Variants in OPA1 observed in about 807,000 individuals in gnomAD.
The protein encoded by OPA1 is dynamin-like GTPase OPA1, mitochondrial.
OPA1 carries 59 observed loss-of-function variants against 152.9 expected under a neutral mutation model. The ratio of observed to expected loss-of-function variants is 0.39; its 90% CI spans 0.31 to 0.48. The LOEUF (loss-of-function observed/expected upper bound fraction) is 0.48, where lower values mean the gene tolerates loss of function less well. OPA1 is among the 20% of genes least tolerant of loss of function. OPA1 has a pLI of 0.96. For missense variants in OPA1, 1,008 were observed against 1,216.8 expected, an observed-to-expected ratio of 0.83 and a Z score of 2.55; for synonymous variants, 400 against 389.9, an observed-to-expected ratio of 1.03 and a Z score of -0.31.
chr3:193,663,622 A>C, intron 26 of OPA1, among the ~76,000 whole-genome samples: 1 of 152,148 alleles, frequency 6.6e-6, no homozygotes, highest in East Asian at 1.9e-4. Flanking sequence ...ATATTAGCTT[A>C]AGTGAACACA....
At chr3:193,659,345 T>C (rs1348959843) in intron 24 of OPA1, 137 bp from the exon 25 acceptor site, 5 of 734,716 alleles carry the variant, frequency 6.8e-6, no homozygotes, top group Non-Finnish European at 1.2e-5. Flanking sequence ...ATCAGTCATG[T>C]GGGTTTTTTC....
chr3:193,670,470 G>T (rs1176105229), intron 29 of OPA1, among the ~76,000 whole-genome samples: 4 of 151,082 alleles, frequency 2.6e-5, no homozygotes, highest in African/African-American at 9.7e-5. Context: ...ACTGCAAGGT[G>T]GTTCTCCCAC....
intron 1 of OPA1, among the ~76,000 whole-genome samples, chr3:193,598,629 T>G (rs1577111724): frequency 6.6e-6 from 1 of 152,280 alleles, no homozygotes; most frequent in Middle Eastern, 3.4e-3. Context: ...AAAGAGTTAT[T>G]GAAACGATGA....
intron 6 of OPA1, among the ~76,000 whole-genome samples, chr3:193,620,619 C>G (rs1456818409): frequency 2.7e-5 from 3 of 112,194 alleles, no homozygotes; most frequent in African/African-American, 1.1e-4. Flanking sequence ...AAAGACTTAC[C>G]AATTTTTTTT....
At chr3:193,610,233 T>C (rs1285794165) in intron 1 of OPA1, among the ~76,000 whole-genome samples, 1 of 152,206 alleles carries the variant, frequency 6.6e-6, no homozygotes, top group Non-Finnish European at 1.5e-5. Context: ...GTCCTTTCTG[T>C]TTGTTAGTTT....
At position 193,618,485 on chromosome 3, in the gene OPA1, CAAAAAAAAAAAGAAA is replaced by C. The variant is rs938551034; in HGVS notation, c.611-382_611-368del. On this transcript the variant is annotated intron_variant, in intron 5 of 30. Coordinates refer to ENST00000361510, the MANE Select transcript of OPA1 (RefSeq NM_130837.3). ...AGAGGGAGACTCTGCCCCCCACCCC[CAAAAAAAAAAAGAAA>C]AGAAAAAAAAATTGTTTTCCTGCTA... 18 of 178,090 alleles carry C rather than the reference CAAAAAAAAAAAGAAA, an allele frequency of 1.0e-4. No homozygotes were observed. In the East Asian group the frequency reaches 2.7e-3, roughly 27 times the overall value. 11.0% of individuals were successfully genotyped at this position (178,090 alleles called of 1,614,324 possible).
intron 16 of OPA1, among the ~76,000 whole-genome samples, chr3:193,645,348 G>T (rs956535629): frequency 6.6e-6 from 1 of 152,104 alleles, no homozygotes; most frequent in African/African-American, 2.4e-5. Context: ...TTTTCGATAC[G>T]TGTGTTTTAA....
intron 3 of OPA1, among the ~76,000 whole-genome samples, chr3:193,616,421 C>G (rs546604954): frequency 1.3e-5 from 2 of 152,134 alleles, no homozygotes; most frequent in East Asian, 3.9e-4. Context: ...GGTATTTTGT[C>G]TTTTGCTACC....
intron 29 of OPA1, among the ~76,000 whole-genome samples, chr3:193,674,092 G>A (rs1718497232): frequency 6.6e-6 from 1 of 152,306 alleles, no homozygotes; most frequent in African/African-American, 2.4e-5. Context: ...ATTGTTTGAT[G>A]CCTGAGCATC....
chr3:193,621,760 A>T (rs1227434788), intron 6 of OPA1, among the ~76,000 whole-genome samples: 2 of 152,194 alleles, frequency 1.3e-5, no homozygotes, highest in African/African-American at 2.4e-5. Flanking sequence ...CTGGAGGAAA[A>T]AAGACATAGC....
At chr3:193,633,048 T>G (rs13096511) in intron 8 of OPA1, among the ~76,000 whole-genome samples, 65,274 of 151,844 alleles carry the variant, frequency 0.43, 14,286 homozygotes, top group Non-Finnish European at 0.44. Context: ...TGGTATCTAT[T>G]TATTGAGTCT....
At chr3:193,651,907 A>G (rs1317869014) in intron 21 of OPA1, among the ~76,000 whole-genome samples, 4 of 108,442 alleles carry the variant, frequency 3.7e-5, no homozygotes, top group Non-Finnish European at 7.6e-5. Flanking sequence ...CTACTTTAAA[A>G]TAAAAAAAAA....
intron 1 of OPA1, among the ~76,000 whole-genome samples, chr3:193,598,736 G>C (rs1279935688): frequency 6.6e-6 from 1 of 152,148 alleles, no homozygotes; most frequent in Non-Finnish European, 1.5e-5. Context: ...TATTGATGGC[G>C]ACTCTCTAAT....
intron 29 of OPA1, among the ~76,000 whole-genome samples, chr3:193,676,610 A>G (rs1420838184): frequency 6.6e-6 from 1 of 152,200 alleles, no homozygotes; most frequent in Non-Finnish European, 1.5e-5. Flanking sequence ...TTTCCAGGTT[A>G]TTGATGAGAA....
intron 13 of OPA1, 51 bp from the exon 14 acceptor site, chr3:193,643,322 C>G: frequency 1.4e-6 from 2 of 1,462,044 alleles, no homozygotes; most frequent in African/African-American, 2.8e-5. Context: ...AAATTCTTGA[C>G]AAATTCCCCC....
At chr3:193,635,562 G>A (rs369818438) in intron 9 of OPA1, 40 bp downstream of exon 9, 20 of 1,193,790 alleles carry the variant, frequency 1.7e-5, no homozygotes, top group East Asian at 2.3e-5. Flanking sequence ...AAATTTTACC[G>A]CTTAACGTTG....
chr3:193,673,615 G>A (rs1226372950), intron 29 of OPA1, among the ~76,000 whole-genome samples: 3 of 152,196 alleles, frequency 2.0e-5, no homozygotes, highest in Non-Finnish European at 4.4e-5. Flanking sequence ...AATAAAATCT[G>A]TGGAATCTTT....
At chr3:193,669,228 G>A (rs940712636) in intron 29 of OPA1, among the ~76,000 whole-genome samples, 7 of 152,270 alleles carry the variant, frequency 4.6e-5, no homozygotes, top group African/African-American at 9.6e-5. Context: ...TGCCATCAGC[G>A]CTTGCGGCCC....
At position 193,642,785 on chromosome 3, in the gene OPA1, T is replaced by C; in HGVS notation, c.1170T>C (p.Pro390=). ...ATCAGGTGACTCTGAGTGAAGGTCC[T>C]CACCATGTGGCCCTATTTAAAGATA... ...SPVKVTLSEG[P]HHVALFKDSS... Residue 390 remains proline (P), a synonymous_variant, in exon 12 of 31, where the codon CCT becomes CCC. Transcript: ENST00000361510. 1 of 1,613,152 alleles carries C rather than the reference T, an allele frequency of 6.2e-7. No individual in the cohort carries two copies. The highest frequency in any genetic ancestry group is 8.5e-7 in the Non-Finnish European group (1 of 1,179,156).
Sources: allele counts gnomAD v4.1 joint callset (sites outside exome capture counted in the v4.1 genomes callset), GRCh38; gene constraint gnomAD v4.1.1; transcripts MANE v1.5; gene names NCBI Gene and HGNC (gene_info 2026-07-23, HGNC 2026-07-21).